Variants in FRMD6 observed in about 807,000 individuals in gnomAD.
The protein encoded by FRMD6 is FERM domain-containing protein 6.
FRMD6 carries 37 observed loss-of-function variants against 73.2 expected under a neutral mutation model. The observed-to-expected ratio is 0.51, with a 90% CI of 0.39 to 0.66. FRMD6 has a LOEUF of 0.66. Among genes scored for constraint, FRMD6 ranks in the 30% least tolerant of loss-of-function variants. The pLI is 0.00. For missense variants in FRMD6, 714 were observed against 780.5 expected, an observed-to-expected ratio of 0.91 and a Z score of 1.02; for synonymous variants, 273 against 282.2, an observed-to-expected ratio of 0.97 and a Z score of 0.33.
intron 1 of FRMD6, chr14:51,546,885 A>C (rs1452315272): frequency 6.6e-6 from 1 of 152,172 alleles, no homozygotes; most frequent in Non-Finnish European, 1.5e-5. Flanking sequence ...AAACCCGGGT[A>C]AAAGAGTGTT....
intron 1 of FRMD6, among the ~76,000 whole-genome samples, chr14:51,546,471 C>T (rs1319250168): frequency 7.0e-6 from 1 of 143,566 alleles, no homozygotes; most frequent in South Asian, 2.2e-4. Context: ...TTTGGCCACA[C>T]ATCTGATGCC....
the FRMD6 span, among the ~76,000 whole-genome samples, chr14:51,423,194 A>G: frequency 5.3e-5 from 8 of 152,202 alleles, no homozygotes; most frequent in Non-Finnish European, 1.0e-4. Flanking sequence ...GGATATGGTC[A>G]CTTTATAAGA....
chr14:51,486,808 C>T (rs1376615248), upstream of FRMD6, among the ~76,000 whole-genome samples: 18 of 152,238 alleles, frequency 1.2e-4, no homozygotes, highest in African/African-American at 4.1e-4. Flanking sequence ...ATATCCCTAA[C>T]GATCTCTGAC....
At chr14:51,408,304 C>T in the FRMD6 span, among the ~76,000 whole-genome samples, 2,042 of 152,200 alleles carry the variant, frequency 0.013, 49 homozygotes, top group African/African-American at 0.046. Flanking sequence ...GGACTACAGA[C>T]ATGCGCCACC....
In FRMD6 at chr14:51,592,129, A is replaced by G. The variant is rs979471879; in HGVS notation, c.-147+21719A>G. On this transcript the variant is annotated intron_variant, in intron 2 of 14. Transcript: ENST00000356218. Reference sequence around the variant, plus strand: ...TTTAATTTTCTTTTCTGAAATTTTCATATTTTCAAATGTTCAACAATTAGC... The same window carrying G: ...TTTAATTTTCTTTTCTGAAATTTTCGTATTTTCAAATGTTCAACAATTAGC... 7.2e-5 allele frequency among the ~76,000 whole-genome samples: 11 copies of G among 152,338 alleles called. No homozygotes were observed. The East Asian group carries it at 9.6e-4, about 13-fold the overall frequency.
chr14:51,727,756 G>T lies in FRMD6; in HGVS notation c.1596G>T (p.Arg532=). The change falls in exon 14 of 14, where the codon CGG becomes CGT. Residue 532 remains arginine, a synonymous_variant. Coordinates refer to ENST00000344768, the MANE Select transcript of FRMD6 (RefSeq NM_001267046.2). ...STDSLPQTIC[R]KPKTSTDRHS... is the part of the protein sequence containing the mutation. ...CCCTTATCTTGCAGACTATATGTCGGAAACCAAAGACCTCCACTGATCGAC... is the reference window on the plus strand; with the variant it reads ...CCCTTATCTTGCAGACTATATGTCGTAAACCAAAGACCTCCACTGATCGAC... The T allele has an allele frequency of 6.3e-7, 1 of 1,597,678 alleles. No homozygotes were observed. Among genetic ancestry groups the T allele is most frequent in the Non-Finnish European group, 8.6e-7 (1 of 1,166,500 alleles).
At chr14:51,523,470 T>G (rs1262518665) in intron 1 of FRMD6, among the ~76,000 whole-genome samples, 4 of 152,144 alleles carry the variant, frequency 2.6e-5, no homozygotes, top group African/African-American at 9.6e-5. Flanking sequence ...AGCAATTGTC[T>G]GTGGCTGAGG....
At chr14:51,627,318 T>G (rs1003107225) in intron 2 of FRMD6, among the ~76,000 whole-genome samples, 1 of 152,216 alleles carries the variant, frequency 6.6e-6, no homozygotes, top group East Asian at 1.9e-4. Flanking sequence ...CAACTTCTTA[T>G]GTATGTTTGT....
the FRMD6 span, among the ~76,000 whole-genome samples, chr14:51,467,558 C>T: frequency 6.6e-6 from 1 of 151,682 alleles, no homozygotes; most frequent in Non-Finnish European, 1.5e-5. Context: ...AGAGGCGCCC[C>T]CAACCTCCCG....
chr14:51,708,030 A>G, intron 6 of FRMD6, 48 bp from the exon 7 acceptor site: 3 of 1,589,000 alleles, frequency 1.9e-6, no homozygotes, highest in Non-Finnish European at 2.6e-6. Flanking sequence ...GGTAGAACTT[A>G]CATCTCTCCA....
intron 2 of FRMD6, among the ~76,000 whole-genome samples, chr14:51,604,227 A>C (rs138134024): frequency 6.6e-6 from 1 of 152,338 alleles, no homozygotes; most frequent in Non-Finnish European, 1.5e-5. Context: ...TTCACAGTAT[A>C]GTTCCACAGT....
At chr14:51,466,980 A>G in the FRMD6 span, among the ~76,000 whole-genome samples, 4 of 150,192 alleles carry the variant, frequency 2.7e-5, no homozygotes, top group Non-Finnish European at 5.9e-5. Context: ...TTTTTTTTTT[A>G]ATACTTATTG....
the FRMD6 span, among the ~76,000 whole-genome samples, chr14:51,438,365 G>A: frequency 1.3e-5 from 2 of 152,284 alleles, no homozygotes; most frequent in East Asian, 1.9e-4. Context: ...TTCACTGGAA[G>A]GAAAGGAAAG....
chr14:51,663,928 A>G (rs1053484352), intron 1 of FRMD6, among the ~76,000 whole-genome samples: 1 of 152,214 alleles, frequency 6.6e-6, no homozygotes, highest in Non-Finnish European at 1.5e-5. Flanking sequence ...TGTGATAACT[A>G]CGTTAATCCA....
rs374162517 is a variant in FRMD6, at chr14:51,528,823, C to A, written c.-210+39403C>A. On this transcript the variant is annotated intron_variant, in intron 1 of 14. Coordinates refer to the FRMD6 transcript ENST00000356218. ...CAGAGAAATCTTCCAGCAAAACTAGCCAGTGCATCAAAGAGCTCCCAGGAA... is the reference window on the plus strand; with the variant it reads ...CAGAGAAATCTTCCAGCAAAACTAGACAGTGCATCAAAGAGCTCCCAGGAA... Among the ~76,000 whole-genome samples, 50 of 152,220 alleles carry A rather than the reference C, an allele frequency of 3.3e-4. 1 individual carries two copies. The South Asian group carries it at 0.01, about 31-fold the overall frequency.
intron 1 of FRMD6, among the ~76,000 whole-genome samples, chr14:51,527,374 G>A (rs960461609): frequency 6.6e-6 from 1 of 152,196 alleles, no homozygotes; most frequent in South Asian, 2.1e-4. Context: ...AACTGAGGAC[G>A]GGAATGGCTA....
chr14:51,606,595 T>A (rs1890266861), intron 2 of FRMD6, among the ~76,000 whole-genome samples: 1 of 152,052 alleles, frequency 6.6e-6, no homozygotes, highest in Non-Finnish European at 1.5e-5. Flanking sequence ...TAGGATTGAG[T>A]GTCTGAAATG....
At chr14:51,575,420 C>T (rs567937650) in intron 2 of FRMD6, among the ~76,000 whole-genome samples, 3 of 152,186 alleles carry the variant, frequency 2.0e-5, no homozygotes, top group Non-Finnish European at 4.4e-5. Context: ...GCGGAGGGGG[C>T]CACCTGGCTC....
At chr14:51,532,368 C>CA (rs35803305) in intron 1 of FRMD6, among the ~76,000 whole-genome samples, 134 of 117,616 alleles carry the variant, frequency 1.1e-3, no homozygotes, top group Middle Eastern at 4.0e-3. Flanking sequence ...GACTCCATCT[C>CA]AAAAAAAAAA....
Sources: gnomAD v4.1 joint callset for allele counts (sites outside exome capture counted in the v4.1 genomes callset) on GRCh38, gnomAD v4.1.1 for gene constraint, MANE v1.5 for transcripts, NCBI Gene and HGNC (gene_info 2026-07-23, HGNC 2026-07-21) for gene names.